BAIAP3: variants seen among roughly 807,000 people sequenced by gnomAD.
BAIAP3 encodes the protein BAI1 associated protein 3.
A neutral mutation model predicts 149.7 loss-of-function variants in BAIAP3; 180 were observed. That is an observed-to-expected ratio of 1.20 (90% confidence interval 1.07 to 1.36). The LOEUF is 1.36. BAIAP3 is among the 40% of genes most tolerant of loss of function. The pLI is 0.00. For synonymous variants in BAIAP3, 845 were observed against 670.7 expected, an observed-to-expected ratio of 1.26 and a Z score of -4.02; for missense variants, 1,767 against 1,563.4, an observed-to-expected ratio of 1.13 and a Z score of -2.20.
intron 22 of BAIAP3, 121 bp downstream of exon 22, chr16:1,345,493 C>A (rs9708666): frequency 8.1e-7 from 1 of 1,240,586 alleles, no homozygotes; most frequent in Non-Finnish European, 1.1e-6. Context: ...CAGCCTCCCC[C>A]TCAACCCCAG....
rs766137942 is a variant in BAIAP3, at chr16:1,346,380, C to T, written c.2493+19C>T. On this transcript the variant is annotated intron_variant, in intron 25 of 33. Transcript: ENST00000426824. ...CTCTAAGGTGGGTGGGGCCTGGAGACCAAGGCGTGGAGGCAGTCCCTGGTG... is the reference window on the plus strand; with the variant it reads ...CTCTAAGGTGGGTGGGGCCTGGAGATCAAGGCGTGGAGGCAGTCCCTGGTG... 166 of 1,610,608 alleles carry T rather than the reference C, an allele frequency of 1.0e-4. No individual in the cohort carries two copies. Among genetic ancestry groups the T allele is most frequent in the Non-Finnish European group, 1.3e-4 (157 of 1,178,506 alleles).
At chr16:1,345,596 A>AC (rs2034285249) in intron 22 of BAIAP3, 151 bp from the exon 23 acceptor site, 1 of 307,830 alleles carries the variant, frequency 3.2e-6, no homozygotes, top group Non-Finnish European at 5.2e-6. Flanking sequence ...CTCCCCCGCA[A>AC]CCCCAGCCTC....
Position 1,340,991 on chromosome 16 carries a change from C to T in BAIAP3, c.468+10C>T. 1 of 1,602,862 alleles carries T rather than the reference C, an allele frequency of 6.2e-7. No individual in the cohort carries two copies. The highest frequency in any genetic ancestry group is 2.3e-5 in the East Asian group (1 of 44,230). ...AGTGAGGAAGGCCAAGGTGAGGCCG[C>T]CACTGCCTGGGCAGGCACTGACCAG... On this transcript the variant is annotated intron_variant, in intron 6 of 33. Transcript: ENST00000426824.
chr16:1,338,912 G>A lies in BAIAP3; in HGVS notation c.142G>A (p.Asp48Asn). ...CGGCTCTTTCTCCAGGAAACCCGGG[G>A]ATGGCGTGGAGTTCTTTGCCCACAT... is the stretch of plus-strand genomic sequence containing the variant. ...EPATGAWKPG[D>N]GVEFFAHMRL... The change falls in exon 3 of 34, where the codon GAT becomes AAT. Residue 48 changes from aspartate to asparagine, a missense_variant. Asp to Asn is a conservative substitution (Grantham distance 23). Transcript: ENST00000426824. 3.1e-6 allele frequency: 5 copies of A among 1,613,078 alleles called. No individual in the cohort carries two copies. The highest frequency in any genetic ancestry group is 1.1e-5 in the South Asian group (1 of 91,084).
chr16:1,334,879 C>T (rs2033358500), intron 1 of BAIAP3: 1 of 935,448 alleles, frequency 1.1e-6, no homozygotes, highest in Non-Finnish European at 1.7e-6. Flanking sequence ...GGAGAGCCAG[C>T]CTGTGGGGCA....
At position 1,347,899 on chromosome 16, in the gene BAIAP3, A is replaced by G; in HGVS notation, c.3031A>G (p.Ser1011Gly). ...DLLPLDANGL[S>G]DPFVIVELGP... ...TCACGACTGTGCTCCTGCAGGCTTA[A>G]GTGACCCCTTTGTGATCGTGGAGCT... The change falls in exon 32 of 34, where the codon AGT becomes GGT. Residue 1011 changes from serine (S) to glycine (G), a missense_variant. Physicochemically the swap from Ser to Gly is moderately conservative, Grantham distance 56 (BLOSUM62 0). Coordinates refer to ENST00000426824, the MANE Select transcript of BAIAP3 (RefSeq NM_001199097.2). 6.2e-7 allele frequency: 1 copy of G among 1,611,762 alleles called. No individual in the cohort carries two copies. Among genetic ancestry groups the G allele is most frequent in the Non-Finnish European group, 8.5e-7 (1 of 1,179,860 alleles).
At position 1,345,809 on chromosome 16, in the gene BAIAP3, C is replaced by T; in HGVS notation, c.2127C>T (p.Leu709=). The T allele has an allele frequency of 6.3e-7, 1 of 1,579,554 alleles. No individual in the cohort carries two copies. The highest frequency in any genetic ancestry group is 1.2e-5 in the South Asian group (1 of 86,698). The part of the protein sequence containing the change: ...SSSAATAGLC[L]SHIQELWVRL... ...CCGCAGCCACTGCTGGTCTCTGCCT[C>T]AGCCACATCCAGGAGTTGTGGGTGC... is the stretch of plus-strand genomic sequence containing the variant. The change falls in exon 23 of 34, where the codon CTC becomes CTT. Residue 709 remains leucine (L), a synonymous_variant. Transcript: ENST00000426824.
intron 15 of BAIAP3, among the ~76,000 whole-genome samples, 176 bp from the exon 16 acceptor site, chr16:1,343,846 C>T (rs978582974): frequency 2.0e-5 from 3 of 151,840 alleles, no homozygotes; most frequent in African/African-American, 4.9e-5. Flanking sequence ...GGGTGGAAAC[C>T]GAGGCTGGGA....
chr16:1,349,400 C>A lies in BAIAP3; in HGVS notation c.*918C>A. 6.2e-7 allele frequency: 1 copy of A among 1,611,862 alleles called. No individual in the cohort carries two copies. Among genetic ancestry groups the A allele is most frequent in the South Asian group, 1.1e-5 (1 of 90,898 alleles). On this transcript the variant is annotated 3_prime_UTR_variant, in exon 34 of 34. Coordinates refer to ENST00000426824, the MANE Select transcript of BAIAP3 (RefSeq NM_001199097.2). ...TGTCCCTCATGTCTCTAGATTTTCT[C>A]GTCACCCAGCCTCAAAAATATATGT...
At chr16:1,338,709 G>C (rs780169844) in intron 2 of BAIAP3, 29 bp downstream of exon 2, 1 of 1,561,320 alleles carries the variant, frequency 6.4e-7, no homozygotes, top group Non-Finnish European at 8.7e-7. Flanking sequence ...AGCCCCACAC[G>C]CCCACAGGGC....
Position 1,338,909 on chromosome 16 carries a change from G to A in BAIAP3, c.139G>A (p.Gly47Arg), listed in dbSNP as rs139445484. The change falls in exon 3 of 34, where the codon GGG (glycine) becomes AGG (arginine). Residue 47 changes from glycine (G) to arginine (R), a missense_variant. By Grantham distance (125) the Gly-to-Arg change is moderately radical. Coordinates refer to ENST00000426824, the MANE Select transcript of BAIAP3 (RefSeq NM_001199097.2). ...QEPATGAWKPGDGVEFFAHMR... is the reference protein window; with the variant it reads ...QEPATGAWKPRDGVEFFAHMR... The stretch of plus-strand genomic sequence containing the variant: ...ACCCGGCTCTTTCTCCAGGAAACCC[G>A]GGGATGGCGTGGAGTTCTTTGCCCA... 24 of 1,612,990 alleles carry A rather than the reference G, an allele frequency of 1.5e-5. No homozygotes were observed. Among genetic ancestry groups the A allele is most frequent in the Middle Eastern group, 1.7e-4 (1 of 6,056 alleles).
rs773508188 is a variant in BAIAP3 at position 1,339,273 on chromosome 16, G to C, written c.300+29G>C. On this transcript the variant is annotated intron_variant, in intron 4 of 33. Coordinates refer to ENST00000426824, the MANE Select transcript of BAIAP3 (RefSeq NM_001199097.2). ...AAGGTGGGGGTCGGAACCAGGGGCA[G>C]TCGTCTGCAGCGGCTGCTCCCTCAG... is the stretch of plus-strand genomic sequence containing the variant. 38 of 1,549,334 alleles carry C rather than the reference G, an allele frequency of 2.5e-5. No homozygotes were observed. In the African/African-American group the frequency reaches 5.2e-4, roughly 21 times the overall value.
intron 30 of BAIAP3, 26 bp from the exon 31 acceptor site, chr16:1,347,675 A>C: frequency 6.2e-7 from 1 of 1,612,274 alleles, no homozygotes; most frequent in Non-Finnish European, 8.5e-7. Flanking sequence ...CCCAGAGCCC[A>C]GCTGCGCTCA....
Position 1,342,033 on chromosome 16 carries a change from A to G in BAIAP3, c.824A>G (p.Asn275Ser). 6.2e-7 allele frequency: 1 copy of G among 1,607,534 alleles called. No individual in the cohort carries two copies. The highest frequency in any genetic ancestry group is 8.5e-7 in the Non-Finnish European group (1 of 1,177,088). ...VSLVEACRKL[N>S]EVIGLKGMGR... ...CTGGTAGAAGCGTGCAGGAAGCTGA[A>G]TGAAGTCATCGGCCTGAAGGGCATG... The change falls in exon 10 of 34, where the codon AAT becomes AGT. Residue 275 changes from asparagine (N) to serine (S), a missense_variant. Transcript: ENST00000426824.
intron 23 of BAIAP3, 33 bp downstream of exon 23, chr16:1,345,923 G>C: frequency 6.3e-7 from 1 of 1,579,996 alleles, no homozygotes; most frequent in Non-Finnish European, 8.6e-7. Context: ...TGAGGGGAAC[G>C]GGTGGGAGAG....
intron 8 of BAIAP3, 117 bp downstream of exon 8, chr16:1,341,606 CACTTTCCAGAGG>C: frequency 7.3e-7 from 1 of 1,366,580 alleles, no homozygotes. Flanking sequence ...GCCGTGTGCC[CACTTTCCAGAGG>C]AGAAAACTGA....
intron 1 of BAIAP3, among the ~76,000 whole-genome samples, chr16:1,336,006 G>A (rs1201930382): frequency 6.6e-6 from 1 of 152,190 alleles, no homozygotes; most frequent in East Asian, 1.9e-4. Context: ...AAAATGCAGG[G>A]AGGGTACCGA....
Position 1,340,718 on chromosome 16 carries a change from G to T in BAIAP3, c.409-204G>T, listed in dbSNP as rs537440975. Among the ~76,000 whole-genome samples the T allele has an allele frequency of 5.9e-5, 9 of 152,348 alleles. No homozygotes were observed. In the East Asian group the frequency reaches 1.7e-3, roughly 29 times the overall value. On this transcript the variant is annotated intron_variant, in intron 5 of 33. Transcript: ENST00000426824. ...CCATTCCCACGCATGCACTTGCGTGGCCCTCATCACACCCACCATCTCTGG... is the reference window on the plus strand; with the variant it reads ...CCATTCCCACGCATGCACTTGCGTGTCCCTCATCACACCCACCATCTCTGG...
intron 5 of BAIAP3, 114 bp downstream of exon 5, chr16:1,339,717 C>T (rs2033725744): frequency 2.4e-6 from 2 of 849,456 alleles, no homozygotes; most frequent in Non-Finnish European, 3.8e-6. Context: ...CCGATCCGTG[C>T]ACAGCACACA....
Sources: gnomAD v4.1 joint callset for allele counts (sites outside exome capture counted in the v4.1 genomes callset) on GRCh38, gnomAD v4.1.1 for gene constraint, MANE v1.5 for transcripts, NCBI Gene and HGNC (gene_info 2026-07-23, HGNC 2026-07-21) for gene names.